Variants in TBX15 observed in about 807,000 individuals in gnomAD.
TBX15 encodes the protein T-box transcription factor TBX15.
In TBX15, 18 loss-of-function variants were observed where a neutral mutation model predicts 53.9. That is an observed-to-expected ratio of 0.33 (90% confidence interval 0.23 to 0.49). The LOEUF (loss-of-function observed/expected upper bound fraction) is 0.49. Ranked by LOEUF, TBX15 falls within the 20% of genes least tolerant of loss-of-function variation. TBX15 has a pLI of 0.98. For missense variants in TBX15, 692 were observed against 749.5 expected, an observed-to-expected ratio of 0.92 and a Z score of 0.90; for synonymous variants, 295 against 278.0, an observed-to-expected ratio of 1.06 and a Z score of -0.61.
chr1:118,946,864 T>C (rs1414651299), intron 1 of TBX15, among the ~76,000 whole-genome samples: 3 of 152,246 alleles, frequency 2.0e-5, no homozygotes, highest in African/African-American at 7.2e-5. Flanking sequence ...AACGTGGCTT[T>C]TCCTTTGGTC....
At chr1:118,893,454 AAGGAAG>A (rs1654259628) in intron 7 of TBX15, among the ~76,000 whole-genome samples, 1 of 141,782 alleles carries the variant, frequency 7.1e-6, no homozygotes, top group African/African-American at 2.7e-5. Flanking sequence ...GGAAAGAAGG[AAGGAAG>A]GAAAGAAAGG....
chr1:118,903,290 T>C (rs1222407296), intron 6 of TBX15, among the ~76,000 whole-genome samples: 2 of 152,158 alleles, frequency 1.3e-5, no homozygotes, highest in African/African-American at 2.4e-5. Context: ...TGCAAATTGA[T>C]GATGGCTTGA....
intron 7 of TBX15, chr1:118,891,057 C>T (rs1198632882): frequency 3.8e-6 from 2 of 524,464 alleles, no homozygotes; most frequent in Admixed American, 4.3e-5. Context: ...GAGCACAGCA[C>T]TGTTCATCTC....
Position 118,926,522 on chromosome 1 carries a change from T to A in TBX15, c.509A>T (p.Asn170Ile). ...GAGTTATTGTTACCTGTATCTTTTA[T>A]TGTCCACAGGCACAATGTCCATTGC... Reference protein sequence around the residue: ...YIAMDIVPVDNKRYRYVYHSS... With the variant: ...YIAMDIVPVDIKRYRYVYHSS... The change falls in exon 3 of 8, where the codon AAT becomes ATT. Residue 170 changes from asparagine (N) to isoleucine (I), a missense_variant. Coordinates refer to ENST00000369429, the MANE Select transcript of TBX15 (RefSeq NM_001330677.2). 6.2e-7 allele frequency: 1 copy of A among 1,613,588 alleles called. No individual in the cohort carries two copies. Among genetic ancestry groups the A allele is most frequent in the African/African-American group, 1.3e-5 (1 of 75,050 alleles).
intron 1 of TBX15, among the ~76,000 whole-genome samples, chr1:118,957,997 T>C (rs1482222873): frequency 3.9e-5 from 6 of 152,238 alleles, no homozygotes; most frequent in African/African-American, 1.4e-4. Flanking sequence ...CAATGCAATA[T>C]TTTTAAAAAT....
At chr1:118,942,572 G>A (rs1403668225) in intron 1 of TBX15, among the ~76,000 whole-genome samples, 6 of 152,110 alleles carry the variant, frequency 3.9e-5, no homozygotes, top group African/African-American at 1.4e-4. Context: ...AAGTCCTAGG[G>A]TCACCTCCTG....
At chr1:118,926,458 G>T in intron 3 of TBX15, 52 bp downstream of exon 3, 1 of 1,491,864 alleles carries the variant, frequency 6.7e-7, no homozygotes. Flanking sequence ...TTGAAGAATT[G>T]TCTTGGAATG....
chr1:118,958,384 T>C (rs1433288767), intron 1 of TBX15, among the ~76,000 whole-genome samples: 1 of 152,186 alleles, frequency 6.6e-6, no homozygotes, highest in Non-Finnish European at 1.5e-5. Context: ...TGTTTAAGGC[T>C]CCCAGTCTAT....
intron 1 of TBX15, among the ~76,000 whole-genome samples, chr1:118,984,853 C>G (rs1310985084): frequency 6.6e-6 from 1 of 152,188 alleles, no homozygotes; most frequent in Non-Finnish European, 1.5e-5. Context: ...ACTGATCCCC[C>G]GTTGCTGCAG....
At chr1:118,904,278 T>C (rs1368920054) in intron 6 of TBX15, among the ~76,000 whole-genome samples, 3 of 152,128 alleles carry the variant, frequency 2.0e-5, no homozygotes, top group Non-Finnish European at 4.4e-5. Context: ...AATTATCACA[T>C]CTCAACATTC....
intron 7 of TBX15, among the ~76,000 whole-genome samples, chr1:118,891,861 T>A (rs527402267): frequency 6.6e-6 from 1 of 152,214 alleles, no homozygotes; most frequent in Non-Finnish European, 1.5e-5. Flanking sequence ...TTCAGTTTCA[T>A]GACCCAATGA....
intron 1 of TBX15, among the ~76,000 whole-genome samples, chr1:118,956,258 T>C (rs1447967619): frequency 1.3e-5 from 2 of 152,158 alleles, no homozygotes; most frequent in Admixed American, 1.3e-4. Flanking sequence ...AATCTTGAAT[T>C]AGATCTTAGA....
At chr1:118,960,067 GAA>G (rs80283449) in intron 1 of TBX15, among the ~76,000 whole-genome samples, 10 of 107,054 alleles carry the variant, frequency 9.3e-5, no homozygotes, top group Admixed American at 2.0e-4. Flanking sequence ...AAGAGAAAGA[GAA>G]AAAAAAAAAA....
At chr1:118,903,154 A>T (rs542915199) in intron 6 of TBX15, among the ~76,000 whole-genome samples, 1 of 152,252 alleles carries the variant, frequency 6.6e-6, no homozygotes, top group Admixed American at 6.5e-5. Flanking sequence ...CTTTGGCTGT[A>T]ATCACCTCTC....
chr1:118,956,450 G>A (rs1056568324), intron 1 of TBX15, among the ~76,000 whole-genome samples: 38 of 152,072 alleles, frequency 2.5e-4, no homozygotes, highest in African/African-American at 8.0e-4. Context: ...ATGGCAAATG[G>A]AGCAAAATAT....
chr1:118,887,612 C>CT (rs1275764828), intron 7 of TBX15, among the ~76,000 whole-genome samples: 1 of 150,944 alleles, frequency 6.6e-6, no homozygotes, highest in East Asian at 2.0e-4. Context: ...GAGGCGGAGG[C>CT]TGCAGTGAGC....
intron 7 of TBX15, among the ~76,000 whole-genome samples, chr1:118,898,101 G>A (rs548274585): frequency 1.1e-4 from 16 of 152,250 alleles, no homozygotes; most frequent in Non-Finnish European, 1.8e-4. Context: ...TCCAAATAAT[G>A]CAGACGATAA....
intron 6 of TBX15, among the ~76,000 whole-genome samples, chr1:118,900,382 G>T (rs780950544): frequency 6.6e-6 from 1 of 152,128 alleles, no homozygotes. Context: ...TTTTATTTTA[G>T]GTGAGAACAA....
At chr1:118,971,876 G>A (rs1657245009) in intron 1 of TBX15, among the ~76,000 whole-genome samples, 2 of 152,210 alleles carry the variant, frequency 1.3e-5, no homozygotes, top group Non-Finnish European at 2.9e-5. Flanking sequence ...GAAAATAACA[G>A]GTTAAAACCA....
Sources: gnomAD v4.1 joint callset for allele counts (sites outside exome capture counted in the v4.1 genomes callset) on GRCh38, gnomAD v4.1.1 for gene constraint, MANE v1.5 for transcripts, NCBI Gene and HGNC (gene_info 2026-07-23, HGNC 2026-07-21) for gene names.